Variants in B4GALNT3 observed in about 807,000 individuals in gnomAD.
B4GALNT3 encodes the protein beta-1,4-N-acetylgalactosaminyltransferase 3.
Under a neutral mutation model 120.2 loss-of-function variants are expected in B4GALNT3, and 86 were observed. The ratio of observed to expected loss-of-function variants is 0.72; its 90% confidence interval spans 0.60 to 0.86. The LOEUF (loss-of-function observed/expected upper bound fraction) is 0.86, where lower values mean the gene tolerates loss of function less well. Among genes scored for constraint, B4GALNT3 ranks in the 40% least tolerant of loss-of-function variants. The pLI, the probability that B4GALNT3 is intolerant of heterozygous loss-of-function variation, is 0.00. For synonymous variants in B4GALNT3, 518 were observed against 510.4 expected, an observed-to-expected ratio of 1.01 and a Z score of -0.20; for missense variants, 1,167 against 1,298.9, an observed-to-expected ratio of 0.90 and a Z score of 1.56.
chr12:545,685 C>A (rs71435012), intron 6 of B4GALNT3, among the ~76,000 whole-genome samples: 105 of 98,372 alleles, frequency 1.1e-3, no homozygotes, highest in African/African-American at 1.6e-3. Context: ...TGGGGAGGAG[C>A]GAGGTGTGGG....
chr12:473,156 A>G (rs893602848), intron 1 of B4GALNT3, among the ~76,000 whole-genome samples: 1 of 152,132 alleles, frequency 6.6e-6, no homozygotes, highest in Middle Eastern at 3.4e-3. Flanking sequence ...TTTTGTAAAG[A>G]TGGGCCTCAG....
chr12:534,451 G>A (rs753828516), intron 1 of B4GALNT3, among the ~76,000 whole-genome samples: 106 of 152,202 alleles, frequency 7.0e-4, no homozygotes, highest in African/African-American at 2.4e-3. Context: ...TTGTGAATGC[G>A]CGTGCACCCC....
chr12:470,594 G>A (rs1946126443), intron 1 of B4GALNT3, among the ~76,000 whole-genome samples: 1 of 152,256 alleles, frequency 6.6e-6, no homozygotes. Context: ...GGAAAGGGCA[G>A]TGGAGATGGG....
chr12:478,606 T>C (rs1946207089), intron 1 of B4GALNT3, among the ~76,000 whole-genome samples: 1 of 152,232 alleles, frequency 6.6e-6, no homozygotes, highest in Admixed American at 6.5e-5. Context: ...TTTTCAGTGA[T>C]GATTCTTCTA....
rs1274514641 is a variant in B4GALNT3, at chr12:550,306, C to T, written c.997+394C>T. Reference sequence around the variant, plus strand: ...GTTAGAGTCTTAATGCATGATTCCTCTTGGGAGTGTTTACATTTTAAAAGA... The same window carrying T: ...GTTAGAGTCTTAATGCATGATTCCTTTTGGGAGTGTTTACATTTTAAAAGA... On this transcript the variant is annotated intron_variant, in intron 10 of 19. Transcript: ENST00000266383. This position sits in a 1 kb window ranked among gnomAD's most constrained non-coding sequence, Gnocchi z 4.1. 6.6e-6 allele frequency among the ~76,000 whole-genome samples: 1 copy of T among 152,144 alleles called. No individual in the cohort carries two copies. The highest frequency in any genetic ancestry group is 1.5e-5 in the Non-Finnish European group (1 of 68,034).
chr12:504,312 C>CAAA (rs201713327), intron 1 of B4GALNT3, among the ~76,000 whole-genome samples: 2,136 of 111,658 alleles, frequency 0.019, 40 homozygotes, highest in African/African-American at 0.054. Flanking sequence ...CACAATTTTT[C>CAAA]AAAAAAAAAA....
chr12:498,643 G>A (rs987715358), intron 1 of B4GALNT3, among the ~76,000 whole-genome samples: 4 of 142,668 alleles, frequency 2.8e-5, no homozygotes, highest in African/African-American at 1.1e-4. Flanking sequence ...AGATTGGAAT[G>A]ACAAGCTGAG....
chr12:561,522 G>T lies in B4GALNT3; in HGVS notation c.*71G>T. The T allele has an allele frequency of 8.0e-7, 1 of 1,249,592 alleles. No homozygotes were observed. 77.4% of individuals were successfully genotyped at this position (1,249,592 alleles called of 1,614,324 possible). A position where few individuals can be genotyped will look rare whatever the true frequency, so the allele number is the denominator to read the frequency against. On this transcript the variant is annotated 3_prime_UTR_variant, in exon 20 of 20. Transcript: ENST00000266383. ...AGTGGCTCCCCAGGGCCCTGCTACT[G>T]TTCAGGGATGGGGAGTGGGGTGACG...
chr12:558,668 C>T lies in B4GALNT3; in HGVS notation c.2761+7C>T, dbSNP rs751017790. ...ACCCCCCAGTGGCCTGAGGGTGAGC[C>T]CTGCTCAGACTGGGGAGGGAGGAAA... is the stretch of plus-strand genomic sequence containing the variant. On this transcript the variant is annotated splice_region_variant and intron_variant, in intron 18 of 19. Coordinates refer to ENST00000266383, the MANE Select transcript of B4GALNT3 (RefSeq NM_173593.4). 2 of 1,613,428 alleles carry T rather than the reference C, an allele frequency of 1.2e-6. No individual in the cohort carries two copies. Among genetic ancestry groups the T allele is most frequent in the Non-Finnish European group, 8.5e-7 (1 of 1,179,698 alleles).
At chr12:532,175 T>C (rs1298848483) in intron 1 of B4GALNT3, among the ~76,000 whole-genome samples, 1 of 152,178 alleles carries the variant, frequency 6.6e-6, no homozygotes, top group Non-Finnish European at 1.5e-5. Flanking sequence ...GCAAAGGAAT[T>C]TTCCTACTCC....
At chr12:506,706 G>A (rs1387124001) in intron 1 of B4GALNT3, among the ~76,000 whole-genome samples, 7 of 151,868 alleles carry the variant, frequency 4.6e-5, no homozygotes, top group South Asian at 2.1e-4. Flanking sequence ...GCGCGGTCTC[G>A]GCTCACTGCA....
chr12:557,383 G>A (rs992717339), intron 15 of B4GALNT3, among the ~76,000 whole-genome samples: 7 of 152,148 alleles, frequency 4.6e-5, no homozygotes, highest in African/African-American at 1.7e-4. Context: ...TGCCTGGGAG[G>A]AGGGAACGTG....
rs1947158816 is a variant in B4GALNT3, at chr12:556,619, G to A, written c.2133G>A (p.Leu711=). The change falls in exon 15 of 20, where the codon CTG becomes CTA. Residue 711 remains leucine (L), a synonymous_variant. Coordinates refer to ENST00000266383, the MANE Select transcript of B4GALNT3 (RefSeq NM_173593.4). ...AGCTACGTGGGGGTCGCTACCTCCT[G>A]GAGCTTGAACTGTTGGAACAAGGCC... ...QDQLRGGRYL[L]ELELLEQGQR... 1 of 1,614,054 alleles carries A rather than the reference G, an allele frequency of 6.2e-7. No homozygotes were observed. The highest frequency in any genetic ancestry group is 2.2e-5 in the East Asian group (1 of 44,890).
chr12:545,649 A>T (rs1946984905), intron 6 of B4GALNT3, among the ~76,000 whole-genome samples, 180 bp downstream of exon 6: 2 of 144,788 alleles, frequency 1.4e-5, no homozygotes, highest in African/African-American at 2.6e-5. Flanking sequence ...GATGGGGAGG[A>T]GTGAGGAGTG....
intron 11 of B4GALNT3, among the ~76,000 whole-genome samples, chr12:551,639 G>T (rs557070787): frequency 7.2e-5 from 11 of 152,304 alleles, no homozygotes; most frequent in African/African-American, 1.7e-4. Flanking sequence ...CACGAGCTAT[G>T]TTTAAGGGGG....
chr12:523,477 AG>A (rs1303869423), intron 1 of B4GALNT3, among the ~76,000 whole-genome samples: 3 of 152,162 alleles, frequency 2.0e-5, no homozygotes, highest in African/African-American at 7.2e-5. Flanking sequence ...GCTCATTTTC[AG>A]CCCTTTCCTA....
At position 459,945 on chromosome 12, in the gene B4GALNT3, C is replaced by G. The variant is rs1272558260; in HGVS notation, c.-432C>G. 2.0e-5 allele frequency among the ~76,000 whole-genome samples: 3 copies of G among 150,942 alleles called. No individual in the cohort carries two copies. Among genetic ancestry groups the G allele is most frequent in the Non-Finnish European group, 4.4e-5 (3 of 67,608 alleles). ...GCGGGGCCGGGGGCGGGCCAGGTTC[C>G]GCGAGCAGGAGAGCCCAGAGCCCGG... On this transcript the variant is annotated 5_prime_UTR_variant, in exon 1 of 20. Transcript: ENST00000266383.
Position 460,597 on chromosome 12 carries a change from G to GCGC in B4GALNT3, c.169+53_169+54insGCC. The GCGC allele has an allele frequency of 7.7e-7, 1 of 1,305,588 alleles. No homozygotes were observed. The highest frequency in any genetic ancestry group is 9.8e-7 in the Non-Finnish European group (1 of 1,016,064). The allele number at this position is 1,305,588 out of a possible 1,614,324, so 80.9% of individuals were successfully genotyped here. A position where few individuals can be genotyped will look rare whatever the true frequency, so the allele number is the denominator to read the frequency against. ...GGCGCGGGGGTGGGCGGCGGCGGCG[G>GCGC]CTCCTGCGTTGGGGGGACCCGCCTC... On this transcript the variant is annotated intron_variant, in intron 1 of 19. Coordinates refer to ENST00000266383, the MANE Select transcript of B4GALNT3 (RefSeq NM_173593.4). The surrounding 1 kb of genome is among the most constrained non-coding windows in gnomAD (Gnocchi z 8.0).
chr12:493,672 C>T (rs776932689), intron 1 of B4GALNT3, among the ~76,000 whole-genome samples: 1 of 151,568 alleles, frequency 6.6e-6, no homozygotes, highest in Non-Finnish European at 1.5e-5. Flanking sequence ...ACAATGAGAG[C>T]ATCTCATCTC....
Sources: gnomAD v4.1 joint callset for allele counts (sites outside exome capture counted in the v4.1 genomes callset) on GRCh38, gnomAD v4.1.1 for gene constraint, Gnocchi (gnomAD v3.1) non-coding constraint, MANE v1.5 for transcripts, NCBI Gene and HGNC (gene_info 2026-07-23, HGNC 2026-07-21) for gene names.